RGS8: variants seen among roughly 807,000 people sequenced by gnomAD.
The protein encoded by RGS8 is regulator of G protein signaling 8.
In RGS8, 8 loss-of-function variants were observed where a neutral mutation model predicts 21.7. The observed-to-expected ratio is 0.37, with a 90% CI of 0.22 to 0.66. RGS8 has a LOEUF of 0.66. RGS8 is among the 30% of genes least tolerant of loss of function. RGS8 has a pLI of 0.59. For missense variants in RGS8, 157 were observed against 217.9 expected, an observed-to-expected ratio of 0.72 and a Z score of 1.76; for synonymous variants, 80 against 83.6, an observed-to-expected ratio of 0.96 and a Z score of 0.24.
intron 1 of RGS8, among the ~76,000 whole-genome samples, chr1:182,683,627 CAAAAAAAAAAAAAAA>C (rs397863359): frequency 1.6e-5 from 1 of 60,664 alleles, no homozygotes; most frequent in African/African-American, 5.2e-5. Context: ...TCCCAGTGCT[CAAAAAAAAAAAAAAA>C]AAAAAAAAGT....
Position 182,680,718 on chromosome 1 carries a change from T to C in RGS8, n.221+3638A>G, listed in dbSNP as rs10911114. On this transcript the variant is annotated intron_variant and non_coding_transcript_variant, in intron 1 of 4. Coordinates refer to the RGS8 transcript ENST00000515211. ...GGGTACATTACATTCCCTATGTACA[T>C]TGCCTAGGTAAAAAACGTATTTTTC... Among the ~76,000 whole-genome samples, 919 of 152,356 alleles carry C rather than the reference T, an allele frequency of 6.0e-3. 8 individuals carry two copies. The highest frequency in any genetic ancestry group is 0.021 in the African/African-American group (865 of 41,576).
At chr1:182,746,791 T>C in the RGS8 span, among the ~76,000 whole-genome samples, 1 of 152,162 alleles carries the variant, frequency 6.6e-6, no homozygotes, top group Non-Finnish European at 1.5e-5. Flanking sequence ...CATTCATTTG[T>C]CATCAAGGAC....
chr1:182,729,792 C>A, the RGS8 span, among the ~76,000 whole-genome samples: 1 of 152,110 alleles, frequency 6.6e-6, no homozygotes, highest in South Asian at 2.1e-4. Context: ...CTGAAAGGTG[C>A]CTTGTGCTTG....
At chr1:182,672,058 C>G, upstream of RGS8, 1 of 448,610 alleles carries the variant, frequency 2.2e-6, no homozygotes, top group Non-Finnish European at 3.5e-6. Context: ...CTGGCTGCAG[C>G]TCAGGGAGAA....
At chr1:182,671,517 A>T in intron 2 of RGS8, 140 bp downstream of exon 3, 1 of 698,682 alleles carries the variant, frequency 1.4e-6, no homozygotes, top group Non-Finnish European at 2.5e-6. Context: ...AGATTTACAA[A>T]GAGGGGGAGA....
At chr1:182,709,122 T>C in the RGS8 span, among the ~76,000 whole-genome samples, 1 of 152,286 alleles carries the variant, frequency 6.6e-6, no homozygotes, top group South Asian at 2.1e-4. Flanking sequence ...TATGTGTGGG[T>C]TTTTGTTTTT....
the RGS8 span, among the ~76,000 whole-genome samples, chr1:182,699,732 C>G: frequency 6.6e-6 from 1 of 152,148 alleles, no homozygotes; most frequent in South Asian, 2.1e-4. Context: ...AGGCAAAATC[C>G]CCTGAGAGGC....
At chr1:182,710,884 C>G in the RGS8 span, among the ~76,000 whole-genome samples, 1 of 152,164 alleles carries the variant, frequency 6.6e-6, no homozygotes, top group African/African-American at 2.4e-5. Flanking sequence ...TTTTCATGTT[C>G]ATGGAGTACT....
the RGS8 span, among the ~76,000 whole-genome samples, chr1:182,746,976 T>C: frequency 1.4e-5 from 2 of 146,828 alleles, no homozygotes; most frequent in Non-Finnish European, 3.0e-5. Context: ...TGAACATAGC[T>C]CACTGGATCC....
the RGS8 span, among the ~76,000 whole-genome samples, chr1:182,750,025 A>C: frequency 2.6e-5 from 4 of 152,196 alleles, no homozygotes; most frequent in African/African-American, 9.7e-5. Flanking sequence ...TATGAAAGTT[A>C]AGTAAGTTAA....
At chr1:182,699,105 G>A in the RGS8 span, among the ~76,000 whole-genome samples, 3 of 152,220 alleles carry the variant, frequency 2.0e-5, no homozygotes, top group East Asian at 1.9e-4. Context: ...TATGACTTGC[G>A]CATTTTGATT....
the RGS8 span, among the ~76,000 whole-genome samples, chr1:182,743,729 G>T: frequency 6.6e-6 from 1 of 152,294 alleles, no homozygotes; most frequent in South Asian, 2.1e-4. Flanking sequence ...TTACTCAAAA[G>T]TTATATTCCC....
chr1:182,744,880 C>A, the RGS8 span, among the ~76,000 whole-genome samples: 9 of 152,204 alleles, frequency 5.9e-5, no homozygotes, highest in African/African-American at 2.2e-4. Context: ...AAACCCATAC[C>A]TGTGAGTGCC....
intron 5 of RGS8, among the ~76,000 whole-genome samples, chr1:182,654,495 G>A (rs956210515): frequency 6.6e-6 from 1 of 152,214 alleles, no homozygotes; most frequent in African/African-American, 2.4e-5. Flanking sequence ...AATGTGGGCT[G>A]CACCCACGTG....
At chr1:182,674,475 T>C (rs1347373317), upstream of RGS8, among the ~76,000 whole-genome samples, 2 of 152,046 alleles carry the variant, frequency 1.3e-5, no homozygotes, top group Non-Finnish European at 2.9e-5. Flanking sequence ...GCTTTTTTTT[T>C]CTAATCAAAA....
At chr1:182,746,705 A>G in the RGS8 span, among the ~76,000 whole-genome samples, 1 of 151,446 alleles carries the variant, frequency 6.6e-6, no homozygotes, top group Non-Finnish European at 1.5e-5. Flanking sequence ...GGAAGGAAAG[A>G]AAGAGAGAGA....
chr1:182,712,530 T>C, the RGS8 span, among the ~76,000 whole-genome samples: 1 of 152,224 alleles, frequency 6.6e-6, no homozygotes, highest in Admixed American at 6.5e-5. Flanking sequence ...GTCTCTGGCT[T>C]GGAACACCAT....
At chr1:182,725,900 TAAAC>T in the RGS8 span, among the ~76,000 whole-genome samples, 3 of 152,204 alleles carry the variant, frequency 2.0e-5, no homozygotes, top group African/African-American at 7.2e-5. Context: ...ATGTTAATGT[TAAAC>T]AATTTATGAG....
At chr1:182,678,743 T>C (rs749375939) in intron 1 of RGS8, among the ~76,000 whole-genome samples, 1 of 152,190 alleles carries the variant, frequency 6.6e-6, no homozygotes, top group Non-Finnish European at 1.5e-5. Flanking sequence ...GATCACAGCC[T>C]TAAACACTGA....
Sources: gnomAD v4.1 joint callset for allele counts (sites outside exome capture counted in the v4.1 genomes callset) on GRCh38, gnomAD v4.1.1 for gene constraint, MANE v1.5 for transcripts, NCBI Gene and HGNC (gene_info 2026-07-23, HGNC 2026-07-21) for gene names.